Variants in HNMT observed in about 807,000 individuals in gnomAD.
HNMT encodes the protein histamine N-methyltransferase.
HNMT carries 30 observed loss-of-function variants against 32.1 expected under a neutral mutation model. That is an observed-to-expected ratio of 0.93 (90% CI 0.70 to 1.27). HNMT has a LOEUF of 1.27. HNMT is among the 50% of genes most tolerant of loss of function. The probability of loss-of-function intolerance (pLI) is 0.00; values close to 1 mark genes in which losing one functional copy is unlikely to be tolerated. For missense variants in HNMT, 327 were observed against 346.0 expected, an observed-to-expected ratio of 0.95 and a Z score of 0.43; for synonymous variants, 125 against 119.0, an observed-to-expected ratio of 1.05 and a Z score of -0.33.
At chr2:137,981,059 C>T (rs1211341544) in intron 2 of HNMT, among the ~76,000 whole-genome samples, 1 of 151,842 alleles carries the variant, frequency 6.6e-6, no homozygotes, top group Non-Finnish European at 1.5e-5. Context: ...GTAGAGGGAA[C>T]AAAAATGATA....
At chr2:137,981,374 C>G (rs1680494170) in intron 2 of HNMT, 1 of 1,610,766 alleles carries the variant, frequency 6.2e-7, no homozygotes, top group Non-Finnish European at 8.5e-7. Flanking sequence ...ATCTGCATTT[C>G]CCTCATTCCT....
intron 2 of HNMT, among the ~76,000 whole-genome samples, chr2:137,974,356 A>G (rs977060469): frequency 1.3e-5 from 2 of 152,174 alleles, no homozygotes; most frequent in South Asian, 2.1e-4. Context: ...CTCATAGAAC[A>G]TGCTTCTGGG....
intron 1 of HNMT, among the ~76,000 whole-genome samples, chr2:137,966,944 G>T (rs1317469600): frequency 6.6e-6 from 1 of 151,972 alleles, no homozygotes; most frequent in East Asian, 1.9e-4. Context: ...AATTCTTTAA[G>T]AACTTTAAGA....
In HNMT at chr2:137,993,663, G is replaced by A. The variant is rs79838797; in HGVS notation, c.191-7255G>A. 1.0e-2 allele frequency among the ~76,000 whole-genome samples: 1,517 copies of A among 152,108 alleles called. 29 individuals are homozygous for A. Among genetic ancestry groups the A allele is most frequent in the African/African-American group, 0.035 (1,462 of 41,496 alleles). ...GCAAGACTGCCAACATGCAAACTGA[G>A]GAAAAACAGAGAACATCATTAAGAT... On this transcript the variant is annotated intron_variant, in intron 2 of 5. Coordinates refer to ENST00000280097, the MANE Select transcript of HNMT (RefSeq NM_006895.3).
At chr2:137,997,728 G>T (rs1181891837) in intron 2 of HNMT, among the ~76,000 whole-genome samples, 3 of 152,200 alleles carry the variant, frequency 2.0e-5, no homozygotes, top group Non-Finnish European at 4.4e-5. Flanking sequence ...GCATATGTAT[G>T]CTCACTGCAG....
intron 5 of HNMT, 106 bp downstream of exon 5, chr2:138,005,331 T>G (rs1681299827): frequency 1.4e-6 from 1 of 714,786 alleles, no homozygotes; most frequent in African/African-American, 1.8e-5. Flanking sequence ...ATTATGAAAT[T>G]CTTGCCTTGG....
At chr2:137,977,775 A>T (rs1399509791) in intron 2 of HNMT, among the ~76,000 whole-genome samples, 1 of 151,974 alleles carries the variant, frequency 6.6e-6, no homozygotes, top group Non-Finnish European at 1.5e-5. Context: ...TAGCAAGAAC[A>T]GTTCTGATTT....
At chr2:137,971,695 T>G (rs1680142136) in intron 2 of HNMT, among the ~76,000 whole-genome samples, 1 of 152,216 alleles carries the variant, frequency 6.6e-6, no homozygotes, top group African/African-American at 2.4e-5. Context: ...TACAAAGTGC[T>G]TAGGACATTC....
chr2:137,968,972 C>G (rs3100703), intron 1 of HNMT, among the ~76,000 whole-genome samples: 59,765 of 151,992 alleles, frequency 0.39, 11,937 homozygotes, highest in Middle Eastern at 0.48. Flanking sequence ...TCAACAGACT[C>G]TAGATCTGCT....
intron 2 of HNMT, among the ~76,000 whole-genome samples, chr2:138,000,525 T>G (rs994809299): frequency 2.6e-5 from 4 of 151,978 alleles, no homozygotes; most frequent in Non-Finnish European, 5.9e-5. Flanking sequence ...CATTTTTTTT[T>G]CGTATTTTAA....
At chr2:137,993,647 C>T (rs951023143) in intron 2 of HNMT, among the ~76,000 whole-genome samples, 1 of 152,102 alleles carries the variant, frequency 6.6e-6, no homozygotes, top group Non-Finnish European at 1.5e-5. Flanking sequence ...AGCAAGACTG[C>T]CAACATGCAA....
intron 3 of HNMT, 49 bp downstream of exon 3, chr2:138,001,074 TAACTC>T (rs1486642677): frequency 2.2e-6 from 2 of 916,222 alleles, no homozygotes; most frequent in Admixed American, 2.3e-5. Flanking sequence ...CCAAAAGACT[TAACTC>T]AAATTGTTCC....
intron 5 of HNMT, among the ~76,000 whole-genome samples, chr2:138,011,503 A>T (rs1163893323): frequency 1.3e-5 from 2 of 152,060 alleles, no homozygotes; most frequent in Admixed American, 6.6e-5. Context: ...TATTTAGCCT[A>T]TTATTTGTCT....
chr2:138,015,322 A>G lies in HNMT; in HGVS notation c.*1192A>G, dbSNP rs1681630937. 1 of 152,160 alleles carries G rather than the reference A, an allele frequency of 6.6e-6. No homozygotes were observed. 9.4% of individuals were successfully genotyped at this position (152,160 alleles called of 1,614,324 possible). ...AACAAAACAAAAGTAAGGTTTTACT[A>G]AACAGCTCATGAGCCCTCATTCTGC... On this transcript the variant is annotated 3_prime_UTR_variant, in exon 6 of 6. Coordinates refer to ENST00000280097, the MANE Select transcript of HNMT (RefSeq NM_006895.3).
At chr2:138,012,079 C>CT in intron 5 of HNMT, among the ~76,000 whole-genome samples, 1 of 152,112 alleles carries the variant, frequency 6.6e-6, no homozygotes, top group African/African-American at 2.4e-5. Flanking sequence ...AGCAGGCTTG[C>CT]TTTTTTAGTC....
intron 5 of HNMT, among the ~76,000 whole-genome samples, chr2:138,011,114 A>G (rs1356911922): frequency 6.6e-6 from 1 of 151,672 alleles, no homozygotes; most frequent in African/African-American, 2.4e-5. Context: ...CGGGAAGTGC[A>G]TAATTGCTCA....
chr2:137,976,287 A>C (rs1421129711), intron 2 of HNMT, among the ~76,000 whole-genome samples: 1 of 151,920 alleles, frequency 6.6e-6, no homozygotes, highest in Admixed American at 6.6e-5. Context: ...AAACAAAAAA[A>C]AAAAAACCTG....
chr2:137,972,925 C>T (rs1432059422), intron 2 of HNMT, among the ~76,000 whole-genome samples: 1 of 152,194 alleles, frequency 6.6e-6, no homozygotes, highest in African/African-American at 2.4e-5. Flanking sequence ...TTGGCCTGCA[C>T]AGTGAGTCCT....
At chr2:137,984,651 G>A (rs185956092) in intron 2 of HNMT, among the ~76,000 whole-genome samples, 49 of 152,174 alleles carry the variant, frequency 3.2e-4, no homozygotes, top group Admixed American at 3.3e-4. Flanking sequence ...TGGTTATCTC[G>A]AAATCTGAAC....
Sources: gnomAD v4.1 joint callset for allele counts (sites outside exome capture counted in the v4.1 genomes callset) on GRCh38, gnomAD v4.1.1 for gene constraint, MANE v1.5 for transcripts, NCBI Gene and HGNC (gene_info 2026-07-23, HGNC 2026-07-21) for gene names.